PRTFDC1: variants seen among roughly 807,000 people sequenced by gnomAD.
The protein encoded by PRTFDC1 is phosphoribosyltransferase domain-containing protein 1.
A neutral mutation model predicts 34.6 loss-of-function variants in PRTFDC1; 38 were observed. That is an observed-to-expected ratio of 1.10 (90% CI 0.85 to 1.44). PRTFDC1 has a LOEUF of 1.44. PRTFDC1 is among the 40% of genes most tolerant of loss of function. PRTFDC1 has a pLI of 0.00. For synonymous variants in PRTFDC1, 93 were observed against 98.1 expected, an observed-to-expected ratio of 0.95 and a Z score of 0.31; for missense variants, 270 against 283.0, an observed-to-expected ratio of 0.95 and a Z score of 0.33.
intron 3 of PRTFDC1, among the ~76,000 whole-genome samples, chr10:24,900,278 C>T (rs1209424031): frequency 2.0e-5 from 3 of 152,214 alleles, no homozygotes; most frequent in Non-Finnish European, 4.4e-5. Flanking sequence ...ATGTGAGAAA[C>T]GGAACATTGC....
intron 5 of PRTFDC1, 135 bp downstream of exon 5, chr10:24,858,257 T>A: frequency 1.2e-6 from 1 of 830,340 alleles, no homozygotes; most frequent in Admixed American, 2.4e-5. Context: ...TGGCCCCTAT[T>A]CATTAAATTT....
chr10:24,879,571 C>T (rs938481630), intron 3 of PRTFDC1, among the ~76,000 whole-genome samples: 22 of 152,052 alleles, frequency 1.4e-4, no homozygotes, highest in Non-Finnish European at 2.6e-4. Context: ...TGGTCTGGAA[C>T]TCCTGACCTC....
intron 3 of PRTFDC1, among the ~76,000 whole-genome samples, chr10:24,872,892 C>T (rs796179382): frequency 2.0e-5 from 3 of 147,646 alleles, no homozygotes; most frequent in African/African-American, 7.4e-5. Flanking sequence ...ATTGCAGCCT[C>T]AATCTCCCAG....
chr10:24,866,161 G>C (rs1423516374), intron 4 of PRTFDC1, among the ~76,000 whole-genome samples: 1 of 151,952 alleles, frequency 6.6e-6, no homozygotes, highest in Non-Finnish European at 1.5e-5. Context: ...AGAAGTTTGA[G>C]ACCAGCTTGA....
intron 3 of PRTFDC1, among the ~76,000 whole-genome samples, chr10:24,878,318 G>C (rs1210701464): frequency 6.6e-6 from 1 of 151,992 alleles, no homozygotes; most frequent in Non-Finnish European, 1.5e-5. Context: ...GCTGGTAAGC[G>C]AATGAGCCCA....
intron 8 of PRTFDC1, 67 bp from the exon 9 acceptor site, chr10:24,849,958 C>T: frequency 7.6e-6 from 11 of 1,448,998 alleles, no homozygotes; most frequent in Non-Finnish European, 9.7e-6. Flanking sequence ...AAAGGTGATG[C>T]AGTAATAACC....
At chr10:24,912,807 G>A (rs531297193) in intron 3 of PRTFDC1, among the ~76,000 whole-genome samples, 5 of 151,962 alleles carry the variant, frequency 3.3e-5, no homozygotes, top group Admixed American at 2.0e-4. Context: ...CTCACCCACC[G>A]TGATCCATCA....
chr10:24,852,983 T>A (rs539834948), intron 7 of PRTFDC1, among the ~76,000 whole-genome samples: 2 of 150,998 alleles, frequency 1.3e-5, no homozygotes, highest in South Asian at 4.2e-4. Flanking sequence ...TTCTAGGGGG[T>A]TGCATTATGG....
chr10:24,951,155 C>T (rs10828735), intron 1 of PRTFDC1, among the ~76,000 whole-genome samples: 24,015 of 152,030 alleles, frequency 0.16, 5,889 homozygotes, highest in African/African-American at 0.53. Flanking sequence ...CTCCTGTGTA[C>T]CCTTCAGATC....
intron 4 of PRTFDC1, chr10:24,868,008 G>A (rs1847812533): frequency 6.6e-6 from 1 of 152,266 alleles, no homozygotes; most frequent in African/African-American, 2.4e-5. Context: ...GGCCAGGCTG[G>A]TCTCAAACTC....
chr10:24,936,699 G>C (rs936815244), intron 3 of PRTFDC1, among the ~76,000 whole-genome samples: 2 of 152,172 alleles, frequency 1.3e-5, no homozygotes, highest in African/African-American at 4.8e-5. Flanking sequence ...CCCTGGCCTT[G>C]TTTCCTCACA....
chr10:24,871,646 GAA>G (rs61544719), intron 4 of PRTFDC1, among the ~76,000 whole-genome samples: 31 of 131,184 alleles, frequency 2.4e-4, no homozygotes, highest in Non-Finnish European at 2.7e-4. Context: ...GAGGATGGAT[GAA>G]AAAAAAAAAA....
intron 3 of PRTFDC1, among the ~76,000 whole-genome samples, chr10:24,891,075 T>C (rs1543576): frequency 0.54 from 81,857 of 152,094 alleles, 23,314 homozygotes; most frequent in African/African-American, 0.71. Flanking sequence ...CAATGTACTT[T>C]GGGCATAGTC....
Position 24,889,251 on chromosome 10 carries a change from A to T in PRTFDC1, c.340-17188T>A, listed in dbSNP as rs116552146. Among the ~76,000 whole-genome samples the T allele has an allele frequency of 4.9e-3, 750 of 152,212 alleles. 5 individuals carry two copies. The highest frequency in any genetic ancestry group is 0.017 in the African/African-American group (696 of 41,526). On this transcript the variant is annotated intron_variant, in intron 3 of 8. Transcript: ENST00000320152. ...AAAGTGGGACCTCGTCTATGGCCAT[A>T]CCACCTAGAACACGCCCGATCTCGT...
chr10:24,854,957 T>G (rs1476086053), intron 7 of PRTFDC1, among the ~76,000 whole-genome samples: 1 of 152,154 alleles, frequency 6.6e-6, no homozygotes, highest in Non-Finnish European at 1.5e-5. Context: ...AAGGCGGGGA[T>G]CCTATGTGTC....
chr10:24,864,510 A>G lies in PRTFDC1; in HGVS notation c.406-6101T>C, dbSNP rs556458640. Among the ~76,000 whole-genome samples, 6 of 152,312 alleles carry G rather than the reference A, an allele frequency of 3.9e-5. No homozygotes were observed. The South Asian group carries it at 1.2e-3, about 32-fold the overall frequency. On this transcript the variant is annotated intron_variant, in intron 4 of 8. Transcript: ENST00000320152. The stretch of plus-strand genomic sequence containing the variant: ...GTCAGCAGCCATCAACATCGTGGCA[A>G]GACCCTCCACCAGCAAAAAGATGAT...
At chr10:24,946,355 T>C (rs938493169) in intron 1 of PRTFDC1, among the ~76,000 whole-genome samples, 1 of 152,100 alleles carries the variant, frequency 6.6e-6, no homozygotes, top group African/African-American at 2.4e-5. Flanking sequence ...CCTGGAACAC[T>C]GCATGGTGTA....
chr10:24,904,566 G>C (rs545121928), intron 3 of PRTFDC1, among the ~76,000 whole-genome samples: 3 of 152,268 alleles, frequency 2.0e-5, no homozygotes, highest in Admixed American at 2.0e-4. Flanking sequence ...TCAGCCCCGT[G>C]AACTTGTCAC....
intron 3 of PRTFDC1, among the ~76,000 whole-genome samples, chr10:24,891,516 G>T (rs968431766): frequency 2.0e-5 from 3 of 152,034 alleles, no homozygotes; most frequent in Admixed American, 2.0e-4. Flanking sequence ...GCTCAGGCTG[G>T]GTGCAGTGGC....
Sources: allele counts gnomAD v4.1 joint callset (sites outside exome capture counted in the v4.1 genomes callset), GRCh38; gene constraint gnomAD v4.1.1; transcripts MANE v1.5; gene names NCBI Gene and HGNC (gene_info 2026-07-23, HGNC 2026-07-21).